The following PKNOX2 variants were observed in gnomAD, a reference collection of about 807,000 sequenced individuals.
PKNOX2 encodes the protein homeobox protein PKNOX2.
Under a neutral mutation model 53.1 loss-of-function variants are expected in PKNOX2, and 14 were observed. The ratio of observed to expected loss-of-function variants is 0.26; its 90% confidence interval spans 0.17 to 0.41. The LOEUF is 0.41. Among genes scored for constraint, PKNOX2 ranks in the 10% least tolerant of loss-of-function variants. PKNOX2 has a pLI of 1.00. For missense variants in PKNOX2, 496 were observed against 602.8 expected, an observed-to-expected ratio of 0.82 and a Z score of 1.85; for synonymous variants, 257 against 242.8, an observed-to-expected ratio of 1.06 and a Z score of -0.54.
intron 1 of PKNOX2, among the ~76,000 whole-genome samples, 197 bp downstream of exon 1, chr11:125,164,973 C>T (rs1037270409): frequency 4.0e-5 from 6 of 151,462 alleles, no homozygotes; most frequent in Non-Finnish European, 8.9e-5. Context: ...GAGAGGGAGG[C>T]AGCAGGGAGG....
chr11:125,167,048 A>G (rs1399338781), intron 1 of PKNOX2, among the ~76,000 whole-genome samples: 1 of 151,770 alleles, frequency 6.6e-6, no homozygotes, highest in Admixed American at 6.6e-5. Context: ...GGAAGCGGGG[A>G]GGGAGGGTCC....
intron 2 of PKNOX2, among the ~76,000 whole-genome samples, chr11:125,249,414 C>A (rs919114896): frequency 4.6e-5 from 7 of 152,140 alleles, no homozygotes; most frequent in African/African-American, 1.7e-4. Flanking sequence ...TCCACGAATT[C>A]AATCAACAGC....
intron 4 of PKNOX2, among the ~76,000 whole-genome samples, chr11:125,353,085 C>A (rs1201374413): frequency 1.3e-5 from 2 of 152,212 alleles, no homozygotes; most frequent in African/African-American, 2.4e-5. Flanking sequence ...CAGCACACAT[C>A]GATGCCCACA....
At chr11:125,396,973 G>A (rs1015411090) in intron 6 of PKNOX2, among the ~76,000 whole-genome samples, 13 of 152,144 alleles carry the variant, frequency 8.5e-5, no homozygotes, top group African/African-American at 2.9e-4. Flanking sequence ...AAAATATATG[G>A]GTGTAGGAAA....
intron 7 of PKNOX2, among the ~76,000 whole-genome samples, chr11:125,403,962 A>T (rs186831913): frequency 1.4e-3 from 212 of 152,294 alleles, no homozygotes; most frequent in African/African-American, 4.9e-3. Context: ...GAAGGGTGGC[A>T]CTTGCCTATT....
At chr11:125,224,522 C>T (rs938582752) in intron 1 of PKNOX2, among the ~76,000 whole-genome samples, 5 of 152,224 alleles carry the variant, frequency 3.3e-5, no homozygotes, top group Admixed American at 2.0e-4. Flanking sequence ...GGAAATCTCC[C>T]GCCCCTTGCC....
At chr11:125,193,538 A>C (rs1957002844) in intron 1 of PKNOX2, among the ~76,000 whole-genome samples, 1 of 152,164 alleles carries the variant, frequency 6.6e-6, no homozygotes. Flanking sequence ...TCTCTGTGTA[A>C]GGCTATAACT....
intron 7 of PKNOX2, among the ~76,000 whole-genome samples, chr11:125,401,805 G>A (rs1018955206): frequency 2.0e-4 from 30 of 152,040 alleles, no homozygotes; most frequent in African/African-American, 3.1e-4. Context: ...GTGTGCACAC[G>A]CGGGCACATG....
intron 1 of PKNOX2, among the ~76,000 whole-genome samples, chr11:125,230,054 C>T (rs1942067999): frequency 1.3e-5 from 2 of 152,336 alleles, no homozygotes; most frequent in Admixed American, 6.5e-5. Context: ...GCCCAAGAGT[C>T]GAGGCTTGGC....
chr11:125,250,788 C>T (rs530770581), intron 2 of PKNOX2, among the ~76,000 whole-genome samples: 159 of 152,338 alleles, frequency 1.0e-3, no homozygotes, highest in African/African-American at 2.9e-3. Flanking sequence ...GGAGCACTTA[C>T]AGCTCTCACA....
chr11:125,167,846 G>T (rs1032901946), intron 1 of PKNOX2, among the ~76,000 whole-genome samples: 2 of 152,202 alleles, frequency 1.3e-5, no homozygotes, highest in African/African-American at 4.8e-5. Context: ...ACATGGCAGA[G>T]CTTGGGGGAG....
At chr11:125,289,435 G>A (rs1947162656) in intron 2 of PKNOX2, among the ~76,000 whole-genome samples, 1 of 152,198 alleles carries the variant, frequency 6.6e-6, no homozygotes, top group Non-Finnish European at 1.5e-5. Context: ...GCATCTAGAA[G>A]GTATTCAGTA....
intron 2 of PKNOX2, chr11:125,277,525 G>C (rs1189143271): frequency 6.6e-6 from 1 of 152,230 alleles, no homozygotes; most frequent in Admixed American, 6.5e-5. Context: ...AAAGAAGAAA[G>C]AGAGATGGTT....
intron 2 of PKNOX2, among the ~76,000 whole-genome samples, chr11:125,259,538 T>C (rs889170887): frequency 6.6e-6 from 1 of 152,176 alleles, no homozygotes; most frequent in African/African-American, 2.4e-5. Context: ...ATATCAGCAG[T>C]CCCAGGCTTC....
At chr11:125,256,554 A>G (rs1478285767) in intron 2 of PKNOX2, among the ~76,000 whole-genome samples, 1 of 152,140 alleles carries the variant, frequency 6.6e-6, no homozygotes, top group East Asian at 1.9e-4. Context: ...GGTGCCACCA[A>G]GCCAGTGCTG....
chr11:125,295,220 C>T (rs926654074), intron 2 of PKNOX2, among the ~76,000 whole-genome samples: 3 of 152,158 alleles, frequency 2.0e-5, no homozygotes, highest in African/African-American at 7.2e-5. Context: ...CGTGATGCCC[C>T]TGACAACAAT....
intron 2 of PKNOX2, among the ~76,000 whole-genome samples, chr11:125,296,853 C>G (rs1947694378): frequency 6.6e-6 from 1 of 152,144 alleles, no homozygotes; most frequent in Non-Finnish European, 1.5e-5. Flanking sequence ...CCAGGATGGT[C>G]TTGATCTCTT....
intron 1 of PKNOX2, among the ~76,000 whole-genome samples, chr11:125,231,445 C>T (rs989951190): frequency 6.6e-6 from 1 of 152,190 alleles, no homozygotes; most frequent in African/African-American, 2.4e-5. Flanking sequence ...TTTATGATTC[C>T]ATTTTATTTT....
chr11:125,371,243 C>A (rs151136342), intron 5 of PKNOX2, among the ~76,000 whole-genome samples: 2 of 152,046 alleles, frequency 1.3e-5, no homozygotes, highest in African/African-American at 2.4e-5. Context: ...GGATGCACAT[C>A]GCGGGTAATT....
Sources: gnomAD v4.1 joint callset for allele counts (sites outside exome capture counted in the v4.1 genomes callset) on GRCh38, gnomAD v4.1.1 for gene constraint, MANE v1.5 for transcripts, NCBI Gene and HGNC (gene_info 2026-07-23, HGNC 2026-07-21) for gene names.